The following DNAH2 variants were observed in gnomAD, a reference collection of about 807,000 sequenced individuals.
The protein encoded by DNAH2 is axonemal beta dynein heavy chain 2.
In DNAH2, 323 loss-of-function variants were observed where a neutral mutation model predicts 523.5. The ratio of observed to expected loss-of-function variants is 0.62; its 90% confidence interval spans 0.56 to 0.68. DNAH2 has a LOEUF of 0.68. Ranked by LOEUF, DNAH2 falls within the 30% of genes least tolerant of loss-of-function variation. The probability of loss-of-function intolerance (pLI) is 0.00; values close to 1 mark genes in which losing one functional copy is unlikely to be tolerated. For synonymous variants in DNAH2, 2,093 were observed against 2,177.4 expected (o/e 0.96, Z 1.08); for missense variants, 4,907 against 5,701.5 (o/e 0.86, Z 4.49).
At position 7,740,558 on chromosome 17, in the gene DNAH2, G is replaced by A. The variant is rs111341997; in HGVS notation, c.1506+9G>A. 25 of 1,612,168 alleles carry A rather than the reference G, an allele frequency of 1.6e-5. No homozygotes were observed. The South Asian group carries it at 2.3e-4, about 15-fold the overall frequency. ...GGCTTGCCTCCCGCGAGGTGCGGCT[G>A]CCCCGCGGCTTCCTCGGCTTCCCGT... On this transcript the variant is annotated intron_variant, in intron 10 of 85. Transcript: ENST00000572933.
In DNAH2 at chr17:7,734,516, C is replaced by T. The variant is rs372167084; in HGVS notation, c.786C>T (p.Ala262=). Residue 262 remains alanine (A), a synonymous_variant, in exon 7 of 86, where the codon GCC becomes GCT. Transcript: ENST00000572933. ...GGCAGATAAAGGAGATGCTCAGTGC[C>T]CAGGAGACTGTGGAGACAGGAGAAA... ...WTRQIKEMLS[A]QETVETGENL... 7 of 1,613,696 alleles carry T rather than the reference C, an allele frequency of 4.3e-6. No homozygotes were observed. Among genetic ancestry groups the T allele is most frequent in the African/African-American group, 1.3e-5 (1 of 74,840 alleles).
At chr17:7,793,764 G>A (rs1324715362) in intron 48 of DNAH2, among the ~76,000 whole-genome samples, 1 of 151,896 alleles carries the variant, frequency 6.6e-6, no homozygotes, top group African/African-American at 2.4e-5. Context: ...GCTCCCGGCT[G>A]CTTCTCTTTA....
chr17:7,741,236 C>CTCTTTCTTTCTTTTTCTTTCTTTCTT (rs2075309827), intron 11 of DNAH2, among the ~76,000 whole-genome samples: 2 of 85,672 alleles, frequency 2.3e-5, no homozygotes, highest in Non-Finnish European at 5.1e-5. Flanking sequence ...TTTTCTCTCT[C>CTCTTTCTTTCTTTTTCTTTCTTTCTT]TCTTTCTTTC....
At chr17:7,817,255 G>T in intron 64 of DNAH2, 35 bp from the exon 65 acceptor site, 3 of 1,576,202 alleles carry the variant, frequency 1.9e-6, no homozygotes, top group Non-Finnish European at 1.7e-6. Flanking sequence ...GAGTGCTGGG[G>T]CCCAGGCAGG....
In DNAH2 at chr17:7,765,854, T is replaced by G. The variant is rs544766191; in HGVS notation, c.3511+289T>G. 7.2e-5 allele frequency among the ~76,000 whole-genome samples: 11 copies of G among 152,080 alleles called. No homozygotes were observed. The South Asian group carries it at 2.3e-3, about 32-fold the overall frequency. On this transcript the variant is annotated intron_variant, in intron 21 of 85. Transcript: ENST00000572933. Reference sequence around the variant, plus strand: ...GTGCAGTGGCTCGATCTCAGCTCACTGCAACCTCCGCCTCCCAGGTTCAAA... The same window carrying G: ...GTGCAGTGGCTCGATCTCAGCTCACGGCAACCTCCGCCTCCCAGGTTCAAA...
At chr17:7,804,643 C>G (rs1275540169) in intron 59 of DNAH2, among the ~76,000 whole-genome samples, 177 bp downstream of exon 59, 1 of 151,882 alleles carries the variant, frequency 6.6e-6, no homozygotes, top group Admixed American at 6.6e-5. Context: ...GTCAGGAGTT[C>G]GAGACCAACT....
chr17:7,823,494 A>T lies in DNAH2; in HGVS notation c.11195A>T (p.Asp3732Val), dbSNP rs1425437299. 1 of 1,614,124 alleles carries T rather than the reference A, an allele frequency of 6.2e-7. No individual in the cohort carries two copies. The highest frequency in any genetic ancestry group is 1.1e-5 in the South Asian group (1 of 91,070). Reference protein sequence around the residue: ...MDNPCSSWLADAYWDNITELD... With the variant: ...MDNPCSSWLAVAYWDNITELD... ...AATCCATGTAGTAGCTGGCTTGCAG[A>T]TGCCTACTGGGATAACATCACAGAG... The change falls in exon 74 of 86, where the codon GAT becomes GTT. Residue 3732 changes from aspartate (D) to valine (V), a missense_variant. Asp to Val is a radical substitution (Grantham distance 152). Coordinates refer to ENST00000572933, the MANE Select transcript of DNAH2 (RefSeq NM_020877.5).
intron 49 of DNAH2, 146 bp from the exon 50 acceptor site, chr17:7,796,318 G>A: frequency 1.2e-6 from 1 of 821,748 alleles, no homozygotes. Context: ...CAAAGTACTG[G>A]GATTACAGGC....
chr17:7,826,579 G>A (rs1031437748), intron 77 of DNAH2, among the ~76,000 whole-genome samples: 1 of 124,154 alleles, frequency 8.1e-6, no homozygotes, highest in Non-Finnish European at 1.6e-5. Flanking sequence ...TCACTCTGTC[G>A]CCCAGGCTGG....
chr17:7,757,907 A>C (rs72831906), intron 13 of DNAH2, among the ~76,000 whole-genome samples: 35,072 of 152,068 alleles, frequency 0.23, 5,170 homozygotes, highest in Non-Finnish European at 0.33. Flanking sequence ...CACTAATTCC[A>C]TTCATGAGGG....
chr17:7,781,124 A>C lies in DNAH2; in HGVS notation c.6086A>C (p.Asp2029Ala), dbSNP rs150614806. Reference sequence around the variant, plus strand: ...CCCCTGTTCAATGCCATCGTGCAAGATCTGTTTCCCAACATTGAGCTGCCT... The same window carrying C: ...CCCCTGTTCAATGCCATCGTGCAAGCTCTGTTTCCCAACATTGAGCTGCCT... The part of the protein sequence containing the change: ...DAPLFNAIVQ[D>A]LFPNIELPVI... The change falls in exon 39 of 86, where the codon GAT becomes GCT. Residue 2029 changes from aspartate to alanine, a missense_variant. This residue lies in a region of DNAH2 where 2,806 missense variants were observed against 3,190.8 expected (regional missense o/e 0.88). Coordinates refer to ENST00000572933, the MANE Select transcript of DNAH2 (RefSeq NM_020877.5). The C allele has an allele frequency of 2.0e-4, 323 of 1,614,196 alleles. 1 individual carries two copies. In the African/African-American group the frequency reaches 2.9e-3, roughly 14 times the overall value.
At chr17:7,792,159 C>T (rs73977762) in intron 45 of DNAH2, 90 bp downstream of exon 45, 61,782 of 1,599,730 alleles carry the variant, frequency 0.039, 1,589 homozygotes, top group African/African-American at 0.091. Flanking sequence ...GTTTCCCTCT[C>T]TCTTTCTTCC....
intron 39 of DNAH2, 98 bp downstream of exon 39, chr17:7,781,265 A>G: frequency 1.4e-6 from 2 of 1,397,808 alleles, no homozygotes; most frequent in Non-Finnish European, 2.0e-6. Flanking sequence ...GTTTGAGTCC[A>G]GGAGTTTGAG....
intron 76 of DNAH2, 86 bp downstream of exon 76, chr17:7,824,390 G>C (rs2077960520): frequency 1.4e-6 from 2 of 1,464,920 alleles, no homozygotes; most frequent in Non-Finnish European, 9.0e-7. Flanking sequence ...TACTGTCCCT[G>C]TACCTCCCAC....
At position 7,766,501 on chromosome 17, in the gene DNAH2, C is replaced by A. The variant is rs767979776; in HGVS notation, c.3675+20C>A. ...GAGAAGGTGGTGTGCTGAGCAAGGACCCTGTGGTCACTGTCGATAAGGGGC... is the reference window on the plus strand; with the variant it reads ...GAGAAGGTGGTGTGCTGAGCAAGGAACCTGTGGTCACTGTCGATAAGGGGC... On this transcript the variant is annotated intron_variant, in intron 22 of 85. Coordinates refer to ENST00000572933, the MANE Select transcript of DNAH2 (RefSeq NM_020877.5). The A allele has an allele frequency of 1.2e-6, 2 of 1,611,452 alleles. No individual in the cohort carries two copies. The highest frequency in any genetic ancestry group is 1.7e-6 in the Non-Finnish European group (2 of 1,178,370).
At chr17:7,734,979 A>G (rs992891162) in intron 7 of DNAH2, among the ~76,000 whole-genome samples, 3 of 151,998 alleles carry the variant, frequency 2.0e-5, no homozygotes, top group African/African-American at 7.2e-5. Flanking sequence ...AGATTACCCA[A>G]AACAGGATTA....
chr17:7,743,445 C>G (rs1415605585), intron 12 of DNAH2: 3 of 671,040 alleles, frequency 4.5e-6, no homozygotes, highest in Non-Finnish European at 8.1e-6. Flanking sequence ...GTGGGCGCAT[C>G]GCTTGAGCCC....
Position 7,788,180 on chromosome 17 carries a change from C to T in DNAH2, c.6836C>T (p.Pro2279Leu). Residue 2279 changes from proline (P) to leucine (L), a missense_variant, in exon 44 of 86, where the codon CCC (proline) becomes CTC (leucine). Physicochemically the swap from Pro to Leu is moderately conservative, Grantham distance 98. Transcript: ENST00000572933. Reference sequence around the variant, plus strand: ...AACTGCAAGGAGCTGGTGCCCCTGCCCGAGTACAGCGGTATCACCTCCCTC... The same window carrying T: ...AACTGCAAGGAGCTGGTGCCCCTGCTCGAGTACAGCGGTATCACCTCCCTC... ...KDNCKELVPL[P>L]EYSGITSLCK... is the part of the protein sequence containing the mutation. The T allele has an allele frequency of 1.2e-6, 2 of 1,613,000 alleles. No homozygotes were observed. Among genetic ancestry groups the T allele is most frequent in the Non-Finnish European group, 1.7e-6 (2 of 1,179,518 alleles).
At chr17:7,781,008 C>A in intron 38 of DNAH2, 34 bp from the exon 39 acceptor site, 1 of 1,613,470 alleles carries the variant, frequency 6.2e-7, no homozygotes, top group Non-Finnish European at 8.5e-7. Flanking sequence ...GGCCCTGCCT[C>A]CTCAAGCCTG....
Sources: allele counts gnomAD v4.1 joint callset (sites outside exome capture counted in the v4.1 genomes callset), GRCh38; gene constraint gnomAD v4.1.1; regional missense constraint gnomAD v4.1.1; transcripts MANE v1.5; gene names NCBI Gene and HGNC (gene_info 2026-07-23, HGNC 2026-07-21).